LRRC4C: variants seen among roughly 807,000 people sequenced by gnomAD.
LRRC4C encodes leucine-rich repeat-containing protein 4C.
LRRC4C carries 5 observed loss-of-function variants against 33.6 expected under a neutral mutation model. That is an observed-to-expected ratio of 0.15 (90% CI 0.08 to 0.31). The LOEUF (loss-of-function observed/expected upper bound fraction) is 0.31, where lower values mean the gene tolerates loss of function less well. Among genes scored for constraint, LRRC4C ranks in the 10% least tolerant of loss-of-function variants. The probability of loss-of-function intolerance (pLI) is 1.00; values close to 1 mark genes in which losing one functional copy is unlikely to be tolerated. For missense variants in LRRC4C, 560 were observed against 796.7 expected (o/e 0.70, Z 3.58); for synonymous variants, 329 against 302.0 (o/e 1.09, Z -0.93).
intron 1 of LRRC4C, among the ~76,000 whole-genome samples, chr11:40,951,356 T>C (rs1958681579): frequency 6.6e-6 from 1 of 151,924 alleles, no homozygotes; most frequent in Non-Finnish European, 1.5e-5. Flanking sequence ...CATTGTGTAA[T>C]GTGAACTGCC....
chr11:40,932,175 G>A (rs951829069), intron 2 of LRRC4C, among the ~76,000 whole-genome samples: 1 of 152,114 alleles, frequency 6.6e-6, no homozygotes, highest in Non-Finnish European at 1.5e-5. Context: ...CTTGGTGAGA[G>A]TAATTTAAGC....
chr11:40,246,215 A>C (rs2034639), intron 4 of LRRC4C, among the ~76,000 whole-genome samples: 113,016 of 151,626 alleles, frequency 0.75, 46,044 homozygotes, highest in East Asian at 0.96. Flanking sequence ...ATCAGGTGAT[A>C]CACCTGCCTC....
intron 1 of LRRC4C, among the ~76,000 whole-genome samples, chr11:41,073,780 C>A (rs2135438664): frequency 6.6e-6 from 1 of 152,130 alleles, no homozygotes; most frequent in East Asian, 1.9e-4. Flanking sequence ...CAAATTACAT[C>A]AATTTTTTGT....
chr11:41,304,904 C>G (rs1209269746), intron 1 of LRRC4C, among the ~76,000 whole-genome samples: 1 of 50,276 alleles, frequency 2.0e-5, no homozygotes, highest in African/African-American at 4.9e-5. Context: ...CCGCCCCATC[C>G]GGGAGGGAGG....
intron 1 of LRRC4C, among the ~76,000 whole-genome samples, chr11:41,190,625 G>A (rs1421027618): frequency 6.6e-6 from 1 of 152,080 alleles, no homozygotes; most frequent in African/African-American, 2.4e-5. Context: ...GCTAAACAAC[G>A]GTAAAATGAC....
chr11:41,248,174 CA>C (rs1948515625), intron 1 of LRRC4C, among the ~76,000 whole-genome samples: 1 of 152,154 alleles, frequency 6.6e-6, no homozygotes, highest in African/African-American at 2.4e-5. Context: ...AATAAACTAA[CA>C]AATATTCTCT....
chr11:40,802,508 CA>C (rs11385732), intron 2 of LRRC4C, among the ~76,000 whole-genome samples: 5 of 144,874 alleles, frequency 3.5e-5, no homozygotes, highest in African/African-American at 7.8e-5. Flanking sequence ...TTAGAATAAG[CA>C]AAAAAAAAAG....
chr11:40,775,413 CAAA>C (rs35899682), intron 2 of LRRC4C, among the ~76,000 whole-genome samples: 55 of 148,000 alleles, frequency 3.7e-4, no homozygotes, highest in Non-Finnish European at 3.4e-4. Flanking sequence ...GACTCTGTTT[CAAA>C]AAAAAAAAAA....
At chr11:40,631,669 T>C (rs1212803113) in intron 3 of LRRC4C, among the ~76,000 whole-genome samples, 2 of 152,128 alleles carry the variant, frequency 1.3e-5, no homozygotes, top group Non-Finnish European at 2.9e-5. Flanking sequence ...TATACTAACA[T>C]AGCATTGGCA....
chr11:40,544,270 C>T (rs1041544483), intron 3 of LRRC4C, among the ~76,000 whole-genome samples: 1 of 152,000 alleles, frequency 6.6e-6, no homozygotes, highest in African/African-American at 2.4e-5. Flanking sequence ...GTATTTTCTG[C>T]ATAAATACAG....
At chr11:40,787,125 C>T (rs1950441542) in intron 2 of LRRC4C, among the ~76,000 whole-genome samples, 1 of 152,186 alleles carries the variant, frequency 6.6e-6, no homozygotes, top group African/African-American at 2.4e-5. Context: ...TGTTCTACTT[C>T]TCTTTCAGGT....
intron 3 of LRRC4C, among the ~76,000 whole-genome samples, chr11:40,383,945 ATTAT>A (rs1055617748): frequency 4.7e-5 from 7 of 147,386 alleles, no homozygotes; most frequent in African/African-American, 9.9e-5. Context: ...TATTATTATT[ATTAT>A]TATTTTGCTG....
chr11:40,994,267 C>T (rs1187320970), intron 1 of LRRC4C, among the ~76,000 whole-genome samples: 3 of 152,212 alleles, frequency 2.0e-5, no homozygotes, highest in South Asian at 2.1e-4. Flanking sequence ...ATCAATCACT[C>T]TTCTCTCAGC....
rs116653083 is a variant in LRRC4C, at chr11:40,154,711, A to G, written c.-95-13858T>C. 3.5e-3 allele frequency among the ~76,000 whole-genome samples: 529 copies of G among 152,310 alleles called. 6 individuals are homozygous for G. Among genetic ancestry groups the G allele is most frequent in the African/African-American group, 0.012 (504 of 41,570 alleles). ...GAACTCCCAAATTTATACAACAATT[A>G]TGAATAAACCTAAGAAATGAGATAG... is the stretch of plus-strand genomic sequence containing the variant. On this transcript the variant is annotated intron_variant, in intron 5 of 6. Coordinates refer to ENST00000528697, the MANE Select transcript of LRRC4C (RefSeq NM_001258419.2).
intron 3 of LRRC4C, among the ~76,000 whole-genome samples, chr11:40,329,226 T>A (rs1173680355): frequency 6.6e-6 from 1 of 152,198 alleles, no homozygotes. Context: ...AACATTAAGA[T>A]TTAATTAAAC....
At chr11:41,074,227 A>C (rs1172595913) in intron 1 of LRRC4C, among the ~76,000 whole-genome samples, 1 of 152,208 alleles carries the variant, frequency 6.6e-6, no homozygotes, top group African/African-American at 2.4e-5. Flanking sequence ...CTTCTTTAAG[A>C]GGCAACCCCT....
At chr11:40,788,224 A>G (rs1247783875) in intron 2 of LRRC4C, among the ~76,000 whole-genome samples, 1 of 152,158 alleles carries the variant, frequency 6.6e-6, no homozygotes, top group Non-Finnish European at 1.5e-5. Flanking sequence ...TCATTCTCAG[A>G]GGTGTGATGA....
rs528387441 is a variant in LRRC4C, at chr11:40,590,188, T to G, written c.-270+57954A>C. On this transcript the variant is annotated intron_variant, in intron 3 of 6. Coordinates refer to ENST00000528697, the MANE Select transcript of LRRC4C (RefSeq NM_001258419.2). ...GGCTTTGCTTGTTTCTTTTTATTCT[T>G]TTTTCTCTAAACTTCCCTTCTCGCT... 1.7e-4 allele frequency among the ~76,000 whole-genome samples: 26 copies of G among 151,980 alleles called. 1 individual carries two copies. In the South Asian group the frequency reaches 5.4e-3, roughly 32 times the overall value.
intron 2 of LRRC4C, among the ~76,000 whole-genome samples, chr11:40,700,526 G>A (rs770354442): frequency 1.4e-4 from 21 of 152,090 alleles, no homozygotes; most frequent in Non-Finnish European, 2.6e-4. Context: ...ATTATCACAG[G>A]AACTCTAACT....
Sources: gnomAD v4.1 joint callset for allele counts (sites outside exome capture counted in the v4.1 genomes callset) on GRCh38, gnomAD v4.1.1 for gene constraint, MANE v1.5 for transcripts, NCBI Gene and HGNC (gene_info 2026-07-23, HGNC 2026-07-21) for gene names.